Variants in ARHGAP20 observed in about 807,000 individuals in gnomAD.
ARHGAP20 encodes Rho GTPase activating protein 20.
Under a neutral mutation model 73.7 loss-of-function variants are expected in ARHGAP20, and 34 were observed. That is an observed-to-expected ratio of 0.46 (90% CI 0.35 to 0.61). The LOEUF (loss-of-function observed/expected upper bound fraction) is 0.61, where lower values mean the gene tolerates loss of function less well. Ranked by LOEUF, ARHGAP20 falls within the 20% of genes least tolerant of loss-of-function variation. ARHGAP20 has a pLI of 0.00. For missense variants in ARHGAP20, 1,314 were observed against 1,420.9 expected (o/e 0.92, Z 1.21); for synonymous variants, 523 against 518.2 (o/e 1.01, Z -0.13).
At chr11:110,689,691 G>A (rs560654009) in intron 2 of ARHGAP20, among the ~76,000 whole-genome samples, 2 of 152,032 alleles carry the variant, frequency 1.3e-5, no homozygotes, top group African/African-American at 2.4e-5. Context: ...GTTGATGGTC[G>A]GTGGTTGTTA....
intron 4 of ARHGAP20, among the ~76,000 whole-genome samples, chr11:110,620,530 T>C (rs1948606433): frequency 6.6e-6 from 1 of 152,168 alleles, no homozygotes. Flanking sequence ...GAATTTTAAA[T>C]GGATGATGAC....
At chr11:110,589,543 G>T in intron 11 of ARHGAP20, 2 of 985,438 alleles carry the variant, frequency 2.0e-6, no homozygotes, top group Non-Finnish European at 2.4e-6. Flanking sequence ...TAGCTCTGGT[G>T]CATTCCAATC....
At position 110,611,336 on chromosome 11, in the gene ARHGAP20, G is replaced by T; in HGVS notation, c.681C>A (p.Asn227Lys). 6.4e-7 allele frequency: 1 copy of T among 1,569,590 alleles called. No individual in the cohort carries two copies. The highest frequency in any genetic ancestry group is 8.7e-7 in the Non-Finnish European group (1 of 1,154,542). Reference protein sequence around the residue: ...MNSDTANEVINMSLPMLGITG... With the variant: ...MNSDTANEVIKMSLPMLGITG... ...TTATCCCTAGCATTGGTAATGACAT[G>T]TTGATAACTTCATTCGCTGTATCTG... is the stretch of plus-strand genomic sequence containing the variant. Residue 227 changes from asparagine (N) to lysine (K), a missense_variant, in exon 7 of 15, where the codon AAC becomes AAA. Coordinates refer to ENST00000683387, the MANE Select transcript of ARHGAP20 (RefSeq NM_001384657.1).
intron 12 of ARHGAP20, among the ~76,000 whole-genome samples, chr11:110,585,106 T>C (rs1232459336): frequency 6.7e-6 from 1 of 150,060 alleles, no homozygotes; most frequent in African/African-American, 2.4e-5. Flanking sequence ...TATATGAATA[T>C]ATGTGAATAT....
At chr11:110,688,099 A>G (rs958062756) in intron 2 of ARHGAP20, among the ~76,000 whole-genome samples, 1 of 152,224 alleles carries the variant, frequency 6.6e-6, no homozygotes, top group African/African-American at 2.4e-5. Context: ...CCCTTCGTGC[A>G]TATGTTATAT....
chr11:110,656,638 C>T (rs1354329219), intron 2 of ARHGAP20, among the ~76,000 whole-genome samples: 1 of 152,156 alleles, frequency 6.6e-6, no homozygotes, highest in African/African-American at 2.4e-5. Context: ...TTTGCTGCTC[C>T]TCCATTGTGA....
intron 1 of ARHGAP20, 113 bp from the exon 2 acceptor site, chr11:110,690,742 A>G: frequency 3.9e-6 from 4 of 1,030,290 alleles, no homozygotes; most frequent in Non-Finnish European, 5.8e-6. Context: ...TTGTCTGTCA[A>G]GGAGCCTACA....
intron 3 of ARHGAP20, among the ~76,000 whole-genome samples, chr11:110,627,667 A>G (rs1948774627): frequency 6.6e-6 from 1 of 152,076 alleles, no homozygotes; most frequent in African/African-American, 2.4e-5. Flanking sequence ...ACTCATTACT[A>G]TTTACTATTT....
chr11:110,699,733 A>G (rs1344330289), intron 1 of ARHGAP20, among the ~76,000 whole-genome samples: 4 of 151,832 alleles, frequency 2.6e-5, no homozygotes, highest in Non-Finnish European at 4.4e-5. Context: ...TTTGTTTTCC[A>G]TTTACATGAC....
In ARHGAP20 at chr11:110,578,853, G is replaced by A. The variant is rs1171826133; in HGVS notation, c.*517C>T. The A allele has an allele frequency of 3.0e-6, 3 of 985,744 alleles. No individual in the cohort carries two copies. The highest frequency in any genetic ancestry group is 3.6e-6 in the Non-Finnish European group (3 of 830,062). 61.1% of individuals were successfully genotyped at this position (985,744 alleles called of 1,614,324 possible). A position where few individuals can be genotyped will look rare whatever the true frequency, so the allele number is the denominator to read the frequency against. ...GTAAGATCCCACAAAAATGGCCACT[G>A]GCTTAGATTTAGGGAAAGATTTTAT... On this transcript the variant is annotated 3_prime_UTR_variant, in exon 15 of 15. Transcript: ENST00000683387.
At chr11:110,609,266 C>T (rs1006973298) in intron 7 of ARHGAP20, among the ~76,000 whole-genome samples, 1 of 152,130 alleles carries the variant, frequency 6.6e-6, no homozygotes, top group Non-Finnish European at 1.5e-5. Context: ...GAAAAACAAT[C>T]TTCCTGGCTC....
At chr11:110,648,671 C>G (rs4259861) in intron 2 of ARHGAP20, among the ~76,000 whole-genome samples, 1 of 151,396 alleles carries the variant, frequency 6.6e-6, no homozygotes, top group East Asian at 1.9e-4. Flanking sequence ...TTAGTAGAGA[C>G]GAGGTTTCAC....
chr11:110,664,788 T>C (rs1344047483), intron 2 of ARHGAP20, among the ~76,000 whole-genome samples: 2 of 147,824 alleles, frequency 1.4e-5, no homozygotes, highest in Non-Finnish European at 1.5e-5. Flanking sequence ...CAATAAAATA[T>C]GAAATACTTA....
At chr11:110,581,832 G>A (rs574965902) in intron 14 of ARHGAP20, among the ~76,000 whole-genome samples, 1 of 150,648 alleles carries the variant, frequency 6.6e-6, no homozygotes, top group Non-Finnish European at 1.5e-5. Context: ...TTCGAATTCA[G>A]TGTTCCCCCA....
At position 110,708,769 on chromosome 11, in the gene ARHGAP20, G is replaced by A. The variant is rs188784148; in HGVS notation, c.105+3358C>T. On this transcript the variant is annotated intron_variant, in intron 1 of 14. Coordinates refer to ENST00000683387, the MANE Select transcript of ARHGAP20 (RefSeq NM_001384657.1). ...TAGAAAGGGACATGAGGAAACTTTG[G>A]GGGATGACGAATATATTCCTTAGCT... Among the ~76,000 whole-genome samples the A allele has an allele frequency of 9.3e-4, 141 of 152,272 alleles. 2 individuals carry two copies. The highest frequency in any genetic ancestry group is 8.6e-3 in the Admixed American group (132 of 15,296).
At chr11:110,620,189 G>A (rs185031205) in intron 4 of ARHGAP20, among the ~76,000 whole-genome samples, 2 of 150,692 alleles carry the variant, frequency 1.3e-5, no homozygotes. Flanking sequence ...GTACCACCAT[G>A]CTCAGCTAAT....
At chr11:110,604,521 A>C (rs957614072) in intron 9 of ARHGAP20, among the ~76,000 whole-genome samples, 7 of 152,186 alleles carry the variant, frequency 4.6e-5, no homozygotes, top group African/African-American at 1.7e-4. Flanking sequence ...AATAGTTTTG[A>C]AAAACACAGG....
rs1491416911 is a variant in ARHGAP20 at position 110,648,252 on chromosome 11, TAA to T, written c.189-17462_189-17461del. ...ATATATATATGTAAATATATATATG[TAA>T]ATATATATATGTAAATATATATATG... On this transcript the variant is annotated intron_variant, in intron 2 of 14. Transcript: ENST00000683387. Among the ~76,000 whole-genome samples the T allele has an allele frequency of 7.8e-4, 65 of 83,104 alleles. 1 individual carries two copies. The highest frequency in any genetic ancestry group is 1.7e-3 in the East Asian group (4 of 2,364). The allele number at this position is 83,104 out of a possible 152,430, so 54.5% of individuals were successfully genotyped here. A position where few individuals can be genotyped will look rare whatever the true frequency, so the allele number is the denominator to read the frequency against.
chr11:110,604,891 G>T (rs555738220), intron 9 of ARHGAP20, among the ~76,000 whole-genome samples: 1 of 152,254 alleles, frequency 6.6e-6, no homozygotes, highest in African/African-American at 2.4e-5. Context: ...CATGTGGGTG[G>T]AAATTTATAT....
Sources: allele counts gnomAD v4.1 joint callset (sites outside exome capture counted in the v4.1 genomes callset), GRCh38; gene constraint gnomAD v4.1.1; transcripts MANE v1.5; gene names NCBI Gene and HGNC (gene_info 2026-07-23, HGNC 2026-07-21).